The following PRR14L variants were observed in gnomAD, a reference collection of about 807,000 sequenced individuals.
The protein encoded by PRR14L is protein PRR14L.
A neutral mutation model predicts 155.0 loss-of-function variants in PRR14L; 80 were observed. That is an observed-to-expected ratio of 0.52 (90% CI 0.43 to 0.62). PRR14L has a LOEUF of 0.62. PRR14L is among the 20% of genes least tolerant of loss of function. The pLI is 0.00. For synonymous variants in PRR14L, 883 were observed against 916.0 expected (o/e 0.96, Z 0.65); for missense variants, 2,469 against 2,548.0 (o/e 0.97, Z 0.67).
Position 31,704,703 on chromosome 22 carries a change from G to C in PRR14L, c.5780C>G (p.Pro1927Arg). Reference sequence around the variant, plus strand: ...ATATGTAGCTTCCATGCCTGGAAGAGGCACATATGGTAACATGGTGTGGCT... The same window carrying C: ...ATATGTAGCTTCCATGCCTGGAAGACGCACATATGGTAACATGGTGTGGCT... ...TSSHTMLPYV[P>R]LPGMEATYNT... The change falls in exon 5 of 9, where the codon CCT becomes CGT. Residue 1927 changes from proline (P) to arginine (R), a missense_variant. Around this residue, in one of 2 missense-constraint regions of PRR14L, gnomAD observed 2,363 missense variants for 2,371.6 expected, o/e 1.00. Transcript: ENST00000327423. 6.2e-7 allele frequency: 1 copy of C among 1,613,998 alleles called. No homozygotes were observed. Among genetic ancestry groups the C allele is most frequent in the Middle Eastern group, 1.7e-4 (1 of 6,060 alleles).
At position 31,738,635 on chromosome 22, in the gene PRR14L, A is replaced by G. The variant is rs2074796219; in HGVS notation, c.226T>C (p.Cys76Arg). The G allele has an allele frequency of 6.4e-7, 1 of 1,551,950 alleles. No individual in the cohort carries two copies. Residue 76 changes from cysteine to arginine, a missense_variant, in exon 2 of 9, where the codon TGT (cysteine) becomes CGT (arginine). Around this residue, in one of 2 missense-constraint regions of PRR14L, gnomAD observed 2,363 missense variants for 2,371.6 expected, o/e 1.00. Transcript: ENST00000327423. ...ELQRTHVESC[C>R]EETYETLDHG... ...TCCAAGGTCTCATAGGTTTCTTCAC[A>G]ACAACTCTCCACATGAGTCCTCTGC...
intron 2 of PRR14L, among the ~76,000 whole-genome samples, chr22:31,728,475 T>C (rs2074729856): frequency 6.6e-6 from 1 of 151,962 alleles, no homozygotes; most frequent in Non-Finnish European, 1.5e-5. Context: ...TAGCTGGGCA[T>C]GGTGGCGGGT....
Position 31,716,413 on chromosome 22 carries a change from C to A in PRR14L, c.1426G>T (p.Asp476Tyr). 1 of 1,550,108 alleles carries A rather than the reference C, an allele frequency of 6.5e-7. No individual in the cohort carries two copies. The highest frequency in any genetic ancestry group is 1.2e-5 in the South Asian group (1 of 83,506). Residue 476 changes from aspartate to tyrosine, a missense_variant, in exon 4 of 9, where the codon GAT (aspartate) becomes TAT (tyrosine). By Grantham distance (160) the Asp-to-Tyr change is radical (BLOSUM62 -3). This residue lies in a region of PRR14L where 2,363 missense variants were observed against 2,371.6 expected (regional missense o/e 1.00). Transcript: ENST00000327423. The stretch of plus-strand genomic sequence containing the variant: ...TGAACGTGTACAGTAATTTTCAAAT[C>A]ATTTTTATTTAACATTACTTCTGTG... ...EATEVMLNKN[D>Y]LKITVHVQGN...
At chr22:31,731,549 C>G (rs2074749952) in intron 2 of PRR14L, among the ~76,000 whole-genome samples, 1 of 114,118 alleles carries the variant, frequency 8.8e-6, no homozygotes, top group South Asian at 2.9e-4. Flanking sequence ...GCCTGCGTGA[C>G]AGAGTGAGAC....
At chr22:31,695,759 A>T (rs1482791746) in intron 7 of PRR14L, among the ~76,000 whole-genome samples, 7 of 152,148 alleles carry the variant, frequency 4.6e-5, no homozygotes, top group Non-Finnish European at 8.8e-5. Flanking sequence ...AATGGGCTGC[A>T]ACCTCACCTT....
chr22:31,707,621 G>T (rs1390298397), intron 4 of PRR14L, among the ~76,000 whole-genome samples: 1 of 151,992 alleles, frequency 6.6e-6, no homozygotes, highest in Non-Finnish European at 1.5e-5. Context: ...TCCTGACCTT[G>T]TGATCCACCT....
rs370554151 is a variant in PRR14L, at chr22:31,712,370, A to C, written c.5469T>G (p.Leu1823=). 2.5e-6 allele frequency: 4 copies of C among 1,611,898 alleles called. No homozygotes were observed. In the African/African-American group the frequency reaches 4.0e-5, roughly 16 times the overall value. ...AACATCCTGGGGAACAAAGTGCTAG[A>C]AGTGTGTGAAGGCCAAGGACAGAGC... ...ADCSVLGLHT[L]LALCSPGCYR... is the part of the protein sequence containing the mutation. The change falls in exon 4 of 9, where the codon CTT becomes CTG. Residue 1823 remains leucine (L), a synonymous_variant. Transcript: ENST00000327423.
In PRR14L at chr22:31,700,988, C is replaced by T. The variant is rs576394540; in HGVS notation, c.6107+668G>A. Among the ~76,000 whole-genome samples, 6 of 150,124 alleles carry T rather than the reference C, an allele frequency of 4.0e-5. No homozygotes were observed. In the East Asian group the frequency reaches 5.9e-4, roughly 15 times the overall value. On this transcript the variant is annotated intron_variant, in intron 7 of 8. Transcript: ENST00000327423. ...CGATCAGAAGAAAATATAAGTTTGGCGATTTTTTTTTTTTTTGAGACGGAG... is the reference window on the plus strand; with the variant it reads ...CGATCAGAAGAAAATATAAGTTTGGTGATTTTTTTTTTTTTTGAGACGGAG...
chr22:31,715,036 T>C lies in PRR14L; in HGVS notation c.2803A>G (p.Ile935Val), dbSNP rs1449524202. ...TCCAACACTTTTTCAGGACCTGGAATGTTTACAGTCTGGTTTAGTTCTTGT... is the reference window on the plus strand; with the variant it reads ...TCCAACACTTTTTCAGGACCTGGAACGTTTACAGTCTGGTTTAGTTCTTGT... ...AIQELNQTVN[I>V]PGPEKVLDQS... is the part of the protein sequence containing the mutation. The change falls in exon 4 of 9, where the codon ATT (isoleucine) becomes GTT (valine). Residue 935 changes from isoleucine (I) to valine (V), a missense_variant. Ile to Val is a conservative substitution (Grantham distance 29). Transcript: ENST00000327423. The C allele has an allele frequency of 2.6e-6, 4 of 1,551,812 alleles. No individual in the cohort carries two copies. Among genetic ancestry groups the C allele is most frequent in the African/African-American group, 1.4e-5 (1 of 73,048 alleles).
Position 31,715,479 on chromosome 22 carries a change from C to T in PRR14L, c.2360G>A (p.Ser787Asn). Residue 787 changes from serine (S) to asparagine (N), a missense_variant, in exon 4 of 9, where the codon AGC becomes AAC. Ser to Asn is a conservative substitution (Grantham distance 46). Transcript: ENST00000327423. ...TACATTTTTTCTTACACGATGACAG[C>T]TAGAGATATCCTGAGATTGAACGCT... ...CHSVQSQDISSCHRVRKNVSQ... is the reference protein window; with the variant it reads ...CHSVQSQDISNCHRVRKNVSQ... 6.4e-7 allele frequency: 1 copy of T among 1,552,322 alleles called. No homozygotes were observed. Among genetic ancestry groups the T allele is most frequent in the Non-Finnish European group, 8.7e-7 (1 of 1,147,098 alleles).
At chr22:31,739,443 C>T (rs2074800688) in intron 1 of PRR14L, among the ~76,000 whole-genome samples, 1 of 152,186 alleles carries the variant, frequency 6.6e-6, no homozygotes, top group Non-Finnish European at 1.5e-5. Context: ...TCCTTTACTG[C>T]TTACTAAATA....
At position 31,720,523 on chromosome 22, in the gene PRR14L, A is replaced by G. The variant is rs913793463; in HGVS notation, c.548-3232T>C. On this transcript the variant is annotated intron_variant, in intron 3 of 8. Transcript: ENST00000327423. Reference sequence around the variant, plus strand: ...AGAGGTGGGCACATCACTTGAGATCAGGAGTTCAAGACCAGCCTGGCCAAC... The same window carrying G: ...AGAGGTGGGCACATCACTTGAGATCGGGAGTTCAAGACCAGCCTGGCCAAC... Among the ~76,000 whole-genome samples the G allele has an allele frequency of 4.6e-5, 7 of 152,292 alleles. No homozygotes were observed. The East Asian group carries it at 7.7e-4, about 17-fold the overall frequency.
intron 7 of PRR14L, among the ~76,000 whole-genome samples, chr22:31,696,249 C>A (rs542970655): frequency 1.3e-5 from 2 of 151,614 alleles, no homozygotes; most frequent in Non-Finnish European, 2.9e-5. Flanking sequence ...TCAAGCGATT[C>A]TCCGGCCTCA....
chr22:31,714,273 G>C lies in PRR14L; in HGVS notation c.3566C>G (p.Ser1189Cys), dbSNP rs2074641183. 2.6e-6 allele frequency: 4 copies of C among 1,551,518 alleles called. No homozygotes were observed. The East Asian group carries it at 7.3e-5, about 28-fold the overall frequency. The change falls in exon 4 of 9, where the codon TCT (serine) becomes TGT (cysteine). Residue 1189 changes from serine (S) to cysteine (C), a missense_variant. Around this residue, in one of 2 missense-constraint regions of PRR14L, gnomAD observed 2,363 missense variants for 2,371.6 expected, o/e 1.00. Coordinates refer to ENST00000327423, the MANE Select transcript of PRR14L (RefSeq NM_173566.3). ...AGTCATTTCTTGTGTTTCTCTGAGA[G>C]ATGTTCCTTTATCTTGCTGTCCATA... is the stretch of plus-strand genomic sequence containing the variant. Reference protein sequence around the residue: ...SHYGQQDKGTSLRETQEMTEG... With the variant: ...SHYGQQDKGTCLRETQEMTEG...
rs570081363 is a variant in PRR14L, at chr22:31,747,236, T to C, written c.-52+2757A>G. Among the ~76,000 whole-genome samples, 113 of 151,870 alleles carry C rather than the reference T, an allele frequency of 7.4e-4. 1 individual carries two copies. The highest frequency in any genetic ancestry group is 9.1e-4 in the Non-Finnish European group (62 of 67,916). On this transcript the variant is annotated intron_variant, in intron 1 of 8. Coordinates refer to ENST00000327423, the MANE Select transcript of PRR14L (RefSeq NM_173566.3). ...AGCGATTCTCCTGCCTCAGCCTTCC[T>C]AGTAGCTGGGATTACAGGCATGTGC...
chr22:31,690,467 G>T (rs2074505490), intron 7 of PRR14L, among the ~76,000 whole-genome samples: 1 of 152,088 alleles, frequency 6.6e-6, no homozygotes, highest in Admixed American at 6.6e-5. Context: ...TTACAAGCGT[G>T]AGCCACTGTG....
chr22:31,688,040 A>G, intron 8 of PRR14L, 116 bp downstream of exon 8: 1 of 1,084,002 alleles, frequency 9.2e-7, no homozygotes, highest in Non-Finnish European at 1.3e-6. Flanking sequence ...AAAAAAAAAA[A>G]AAAAGACCCA....
intron 2 of PRR14L, among the ~76,000 whole-genome samples, chr22:31,727,164 C>G (rs1325675135): frequency 1.3e-5 from 2 of 152,026 alleles, no homozygotes; most frequent in African/African-American, 4.8e-5. Context: ...GCTGGAGGCC[C>G]CAAAATACCC....
chr22:31,724,179 C>T (rs891752432), intron 3 of PRR14L, among the ~76,000 whole-genome samples: 7 of 152,196 alleles, frequency 4.6e-5, no homozygotes, highest in African/African-American at 1.7e-4. Flanking sequence ...GGAAAACAAG[C>T]TCAGGGCTCC....
Sources: gnomAD v4.1 joint callset for allele counts (sites outside exome capture counted in the v4.1 genomes callset) on GRCh38, gnomAD v4.1.1 for gene constraint, gnomAD v4.1.1 regional missense constraint, MANE v1.5 for transcripts, NCBI Gene and HGNC (gene_info 2026-07-23, HGNC 2026-07-21) for gene names.